Variants in CPA6 observed in about 807,000 individuals in gnomAD.
The protein encoded by CPA6 is carboxypeptidase A6.
In CPA6, 58 loss-of-function variants were observed where a neutral mutation model predicts 63.3. The ratio of observed to expected loss-of-function variants is 0.92; its 90% confidence interval spans 0.74 to 1.14. The LOEUF is 1.14. CPA6 is among the 50% of genes most tolerant of loss of function. The pLI is 0.00. For synonymous variants in CPA6, 185 were observed against 179.0 expected (o/e 1.03, Z -0.27); for missense variants, 565 against 526.6 (o/e 1.07, Z -0.71).
intron 1 of CPA6, among the ~76,000 whole-genome samples, chr8:67,690,247 A>G (rs1416100280): frequency 2.0e-5 from 3 of 152,194 alleles, no homozygotes; most frequent in Admixed American, 6.5e-5. Context: ...AGCTAAGTGG[A>G]CTGGTCTGCA....
intron 2 of CPA6, among the ~76,000 whole-genome samples, chr8:67,593,544 A>G (rs1266965343): frequency 6.6e-6 from 1 of 152,100 alleles, no homozygotes; most frequent in Non-Finnish European, 1.5e-5. Context: ...GTCACTGAGG[A>G]CTTACTTTAT....
rs117754232 is a variant in CPA6 at position 67,674,957 on chromosome 8, T to G, written c.117-50706A>C. On this transcript the variant is annotated intron_variant, in intron 1 of 10. Transcript: ENST00000297770. ...AATACCACGTGTTCTCACTTATAAGTAGGAGCTAAACACTGGGTACACATG... is the reference window on the plus strand; with the variant it reads ...AATACCACGTGTTCTCACTTATAAGGAGGAGCTAAACACTGGGTACACATG... Among the ~76,000 whole-genome samples, 4 of 152,218 alleles carry G rather than the reference T, an allele frequency of 2.6e-5. No individual in the cohort carries two copies. In the East Asian group the frequency reaches 5.8e-4, roughly 22 times the overall value.
chr8:67,663,928 G>C (rs1266461934), intron 1 of CPA6, among the ~76,000 whole-genome samples: 1 of 152,152 alleles, frequency 6.6e-6, no homozygotes, highest in East Asian at 1.9e-4. Flanking sequence ...TAGGTTACAT[G>C]ATGTAAGTAA....
intron 6 of CPA6, among the ~76,000 whole-genome samples, chr8:67,491,322 A>G (rs1811601260): frequency 6.6e-6 from 1 of 151,768 alleles, no homozygotes; most frequent in Non-Finnish European, 1.5e-5. Context: ...CAATCAAATA[A>G]CAGTTTGAAA....
intron 8 of CPA6, among the ~76,000 whole-genome samples, chr8:67,469,541 G>A (rs1005564579): frequency 2.6e-5 from 4 of 152,196 alleles, no homozygotes; most frequent in Non-Finnish European, 5.9e-5. Context: ...AGGAGGCAGA[G>A]GTTGCAATGA....
intron 1 of CPA6, among the ~76,000 whole-genome samples, chr8:67,681,220 T>TTTTTTTTTTTTTTTTTTTTTTAG: frequency 7.7e-6 from 1 of 129,832 alleles, no homozygotes; most frequent in African/African-American, 3.2e-5. Flanking sequence ...TTTTTTTTTT[T>TTTTTTTTTTTTTTTTTTTTTTAG]GAGACGGAGT....
chr8:67,662,498 G>C lies in CPA6; in HGVS notation c.117-38247C>G, dbSNP rs1227898875. 2.2e-5 allele frequency among the ~76,000 whole-genome samples: 3 copies of C among 137,880 alleles called. No homozygotes were observed. The East Asian group carries it at 6.3e-4, about 29-fold the overall frequency. 90.5% of individuals were successfully genotyped at this position (137,880 alleles called of 152,430 possible). On this transcript the variant is annotated intron_variant, in intron 1 of 10. Transcript: ENST00000297770. ...ATGTATATATAGAATACATACACAT[G>C]TATATGTATATAATACATACACACG...
intron 8 of CPA6, among the ~76,000 whole-genome samples, chr8:67,463,753 TTATAA>T (rs1810865193): frequency 6.6e-6 from 1 of 152,206 alleles, no homozygotes; most frequent in African/African-American, 2.4e-5. Flanking sequence ...TAGCTCCCAC[TTATAA>T]GTGAGAACAT....
chr8:67,704,743 G>A (rs765077870), intron 1 of CPA6, among the ~76,000 whole-genome samples: 7 of 152,196 alleles, frequency 4.6e-5, no homozygotes, highest in Non-Finnish European at 8.8e-5. Flanking sequence ...CCCTAAGGAT[G>A]AATGAGGGTC....
Position 67,511,620 on chromosome 8 carries a change from T to A in CPA6, c.353A>T (p.Lys118Met). 6.2e-7 allele frequency: 1 copy of A among 1,611,996 alleles called. No homozygotes were observed. The highest frequency in any genetic ancestry group is 1.7e-4 in the Middle Eastern group (1 of 6,060). Residue 118 changes from lysine to methionine, a missense_variant, in exon 4 of 11, where the codon AAG becomes ATG. Lys to Met is a moderately conservative substitution (Grantham distance 95). Transcript: ENST00000297770. Reference protein sequence around the residue: ...LIEDLQKTLEKGSSLHTQRNR... With the variant: ...LIEDLQKTLEMGSSLHTQRNR... ...TCTCTGGGTGTGCAAGCTGCTTCCC[T>A]TCTCCAGTGTTTTCTGAAGATCTTC...
intron 6 of CPA6, among the ~76,000 whole-genome samples, chr8:67,496,721 C>T (rs768347716): frequency 1.1e-4 from 17 of 151,600 alleles, no homozygotes; most frequent in African/African-American, 2.9e-4. Flanking sequence ...CCACCACACC[C>T]GGCTAATTTT....
intron 8 of CPA6, among the ~76,000 whole-genome samples, chr8:67,466,081 CTTG>C (rs1810918697): frequency 7.8e-6 from 1 of 127,650 alleles, no homozygotes; most frequent in African/African-American, 3.2e-5. Context: ...TGGTCTGAGG[CTTG>C]TTTTTTTTTT....
intron 8 of CPA6, among the ~76,000 whole-genome samples, chr8:67,482,035 A>G (rs1404353210): frequency 6.6e-6 from 1 of 152,212 alleles, no homozygotes; most frequent in African/African-American, 2.4e-5. Flanking sequence ...CAAAACTGGG[A>G]AGAGTCAAAG....
At chr8:67,475,803 TTCTTTC>T (rs1407531345) in intron 8 of CPA6, among the ~76,000 whole-genome samples, 1 of 59,230 alleles carries the variant, frequency 1.7e-5, no homozygotes, top group Non-Finnish European at 3.2e-5. Context: ...CTTTCTTTCT[TTCTTTC>T]TTTCTTTCCT....
intron 8 of CPA6, among the ~76,000 whole-genome samples, chr8:67,455,116 T>C (rs915765362): frequency 3.3e-5 from 5 of 152,172 alleles, no homozygotes; most frequent in African/African-American, 9.7e-5. Context: ...CTGTGAACCC[T>C]AGCTTTTCTG....
At chr8:67,694,903 G>C (rs535231300) in intron 1 of CPA6, among the ~76,000 whole-genome samples, 1 of 152,130 alleles carries the variant, frequency 6.6e-6, no homozygotes, top group Non-Finnish European at 1.5e-5. Flanking sequence ...ATTATATACT[G>C]ATTGATGAGC....
In CPA6 at chr8:67,660,496, ATTTTT is replaced by A. The variant is rs5892089; in HGVS notation, c.117-36250_117-36246del. The stretch of plus-strand genomic sequence containing the variant: ...AGGCACACGGCATCATGCCCGGCTC[ATTTTT>A]TTTTTTTTTTTTTTTTTTGTAGAGA... On this transcript the variant is annotated intron_variant, in intron 1 of 10. Transcript: ENST00000297770. Among the ~76,000 whole-genome samples the A allele has an allele frequency of 6.7e-3, 527 of 78,902 alleles. 2 individuals are homozygous for A. The highest frequency in any genetic ancestry group is 0.03 in the African/African-American group (494 of 16,666). 51.8% of individuals were successfully genotyped at this position (78,902 alleles called of 152,430 possible).
chr8:67,462,482 C>T (rs553727679), intron 8 of CPA6, among the ~76,000 whole-genome samples: 1 of 152,158 alleles, frequency 6.6e-6, no homozygotes, highest in Non-Finnish European at 1.5e-5. Context: ...TATCCTTGTA[C>T]CTATATTATT....
intron 6 of CPA6, among the ~76,000 whole-genome samples, chr8:67,488,930 A>T (rs1268857527): frequency 6.6e-6 from 1 of 152,204 alleles, no homozygotes; most frequent in East Asian, 1.9e-4. Flanking sequence ...GAAATTGCTT[A>T]TCAGCTTAAG....
Sources: gnomAD v4.1 joint callset for allele counts (sites outside exome capture counted in the v4.1 genomes callset) on GRCh38, gnomAD v4.1.1 for gene constraint, MANE v1.5 for transcripts, NCBI Gene and HGNC (gene_info 2026-07-23, HGNC 2026-07-21) for gene names.